Variants in HOOK2 observed in about 807,000 individuals in gnomAD.
HOOK2 encodes protein Hook homolog 2.
HOOK2 carries 108 observed loss-of-function variants against 111.9 expected under a neutral mutation model. The ratio of observed to expected loss-of-function variants is 0.96; its 90% confidence interval spans 0.83 to 1.13. The LOEUF (loss-of-function observed/expected upper bound fraction) is 1.13, where lower values mean the gene tolerates loss of function less well. HOOK2 is among the 50% of genes most tolerant of loss of function. The pLI is 0.00. For synonymous variants in HOOK2, 405 were observed against 394.3 expected, an observed-to-expected ratio of 1.03 and a Z score of -0.32; for missense variants, 978 against 951.3, an observed-to-expected ratio of 1.03 and a Z score of -0.37.
At position 12,769,924 on chromosome 19, in the gene HOOK2, C is replaced by T. The variant is rs760292492; in HGVS notation, c.1061G>A (p.Arg354Gln). 7.8e-6 allele frequency: 12 copies of T among 1,543,314 alleles called. No individual in the cohort carries two copies. Among genetic ancestry groups the T allele is most frequent in the African/African-American group, 4.2e-5 (3 of 71,694 alleles). The change falls in exon 11 of 23, where the codon CGA (arginine) becomes CAA (glutamine). Residue 354 changes from arginine (R) to glutamine (Q), a missense_variant. Physicochemically the swap from Arg to Gln is conservative, Grantham distance 43. Transcript: ENST00000397668. ...CAGCTGGGCGCGCAGGGAGCCCGCT[C>T]GGCGTAGCTCATCCTCCAGTTGTCG... is the stretch of plus-strand genomic sequence containing the variant. Reference protein sequence around the residue: ...RTRQLEDELRRAGSLRAQLEA... With the variant: ...RTRQLEDELRQAGSLRAQLEA...
rs746278489 is a variant in HOOK2 at position 12,772,621 on chromosome 19, T to C, written c.448A>G (p.Ile150Val). The C allele has an allele frequency of 6.8e-6, 11 of 1,613,992 alleles. No homozygotes were observed. The highest frequency in any genetic ancestry group is 9.3e-6 in the Non-Finnish European group (11 of 1,179,984). The change falls in exon 6 of 23, where the codon ATC becomes GTC. Residue 150 changes from isoleucine to valine, a missense_variant. By Grantham distance (29) the Ile-to-Val change is conservative (BLOSUM62 3). Coordinates refer to ENST00000397668, the MANE Select transcript of HOOK2 (RefSeq NM_013312.3). ...ESVQHVVMEA[I>V]QELMTKDTPD... Reference sequence around the variant, plus strand: ...TGAGTGCCCCCACCCACCTCTTGGATGGCTTCCATCACCACATGCTGAACC... The same window carrying C: ...TGAGTGCCCCCACCCACCTCTTGGACGGCTTCCATCACCACATGCTGAACC...
intron 3 of HOOK2, among the ~76,000 whole-genome samples, chr19:12,785,805 T>C (rs1261893642): frequency 6.6e-6 from 1 of 152,202 alleles, no homozygotes; most frequent in Non-Finnish European, 1.5e-5. Flanking sequence ...AGTCTGTCTC[T>C]GCCCCACAGA....
Position 12,771,410 on chromosome 19 carries a change from T to A in HOOK2, c.587A>T (p.Asp196Val). 3 of 1,613,586 alleles carry A rather than the reference T, an allele frequency of 1.9e-6. No individual in the cohort carries two copies. Among genetic ancestry groups the A allele is most frequent in the Non-Finnish European group, 2.5e-6 (3 of 1,179,812 alleles). ...EGDELQQRCLDLERQLMLLSE... is the reference protein window; with the variant it reads ...EGDELQQRCLVLERQLMLLSE... ...CTAGGGCCCTACCTGCCGCTCCAGATCCAGACAGCGCTGCTGTAATTCGTC... is the reference window on the plus strand; with the variant it reads ...CTAGGGCCCTACCTGCCGCTCCAGAACCAGACAGCGCTGCTGTAATTCGTC... The change falls in exon 8 of 23, where the codon GAT (aspartate) becomes GTT (valine). Residue 196 changes from aspartate (D) to valine (V), a missense_variant. Asp to Val is a radical substitution (Grantham distance 152, BLOSUM62 -3). Around this residue, in one of 5 missense-constraint regions of HOOK2, gnomAD observed 301 missense variants for 286.1 expected, o/e 1.05. Coordinates refer to ENST00000397668, the MANE Select transcript of HOOK2 (RefSeq NM_013312.3).
intron 7 of HOOK2, 99 bp from the exon 8 acceptor site, chr19:12,771,576 C>A: frequency 2.0e-6 from 2 of 1,022,998 alleles, no homozygotes; most frequent in Non-Finnish European, 3.0e-6. Context: ...GGCCAAGAAA[C>A]CCTCAGGATT....
chr19:12,766,041 C>T (rs917301148), intron 15 of HOOK2, 27 bp from the exon 16 acceptor site: 2 of 1,610,370 alleles, frequency 1.2e-6, no homozygotes, highest in Non-Finnish European at 1.7e-6. Flanking sequence ...CCGCTTAGTG[C>T]CTGTGCCCAC....
chr19:12,775,695 C>T, upstream of HOOK2: 1 of 374,872 alleles, frequency 2.7e-6, no homozygotes, highest in Non-Finnish European at 4.7e-6. Flanking sequence ...GTTCGGGCGC[C>T]CGCCCTGCCG....
rs1450783652 is a variant in HOOK2, at chr19:12,772,635, A to G, written c.434T>C (p.Val145Ala). Residue 145 changes from valine to alanine, a missense_variant, in exon 6 of 23, where the codon GTG becomes GCG. Physicochemically the swap from Val to Ala is moderately conservative, Grantham distance 64. This residue lies in a region of HOOK2 where 301 missense variants were observed against 286.1 expected (regional missense o/e 1.05). Coordinates refer to ENST00000397668, the MANE Select transcript of HOOK2 (RefSeq NM_013312.3). ...CACCTCTTGGATGGCTTCCATCACC[A>G]CATGCTGAACCGATTCTTCCAGCGT... ...IMTLEESVQH[V>A]VMEAIQELMT... 3.1e-6 allele frequency: 5 copies of G among 1,614,028 alleles called. No individual in the cohort carries two copies. The highest frequency in any genetic ancestry group is 1.7e-5 in the Admixed American group (1 of 59,996).
intron 3 of HOOK2, chr19:12,787,281 T>A (rs953011609): frequency 6.6e-6 from 1 of 152,220 alleles, no homozygotes; most frequent in African/African-American, 2.4e-5. Context: ...AGCTAATTTT[T>A]AAATTTTTTT....
intron 14 of HOOK2, 24 bp downstream of exon 14, chr19:12,767,371 G>C: frequency 6.2e-7 from 1 of 1,605,388 alleles, no homozygotes; most frequent in Non-Finnish European, 8.5e-7. Context: ...GGTGGGGCCA[G>C]AGTTTTGAGT....
chr19:12,768,259 G>GT, intron 11 of HOOK2, 136 bp from the exon 12 acceptor site: 1 of 684,582 alleles, frequency 1.5e-6, no homozygotes. Context: ...AGCTGTGTAT[G>GT]TTTTTGCTTG....
chr19:12,774,747 G>A lies in HOOK2; in HGVS notation c.132-6C>T, dbSNP rs1315350671. The A allele has an allele frequency of 6.2e-7, 1 of 1,613,940 alleles. No homozygotes were observed. Among genetic ancestry groups the A allele is most frequent in the Non-Finnish European group, 8.5e-7 (1 of 1,179,820 alleles). On this transcript the variant is annotated splice_region_variant and splice_polypyrimidine_tract_variant and intron_variant, in intron 2 of 22. Transcript: ENST00000397668. ...CGTTGAACCAGGAGGGGTCTCTGGG[G>A]GCGAGAAGGTGGGATGAGCAGACTG...
chr19:12,764,234 C>T (rs149290578), intron 20 of HOOK2: 4,897 of 164,502 alleles, frequency 0.03, 229 homozygotes, highest in African/African-American at 0.11. Context: ...AGGCTGCTCT[C>T]GAACTCCTGA....
intron 1 of HOOK2, 55 bp from the exon 2 acceptor site, chr19:12,774,952 G>A (rs1268090096): frequency 1.3e-6 from 2 of 1,517,478 alleles, no homozygotes; most frequent in Non-Finnish European, 1.8e-6. Flanking sequence ...GCGCCGAACC[G>A]CTCCCCTTTT....
rs1288451659 is a variant in HOOK2 at position 12,765,810 on chromosome 19, C to T, written c.1605+19G>A. 3 of 1,613,532 alleles carry T rather than the reference C, an allele frequency of 1.9e-6. No homozygotes were observed. Among genetic ancestry groups the T allele is most frequent in the Admixed American group, 1.7e-5 (1 of 59,996 alleles). On this transcript the variant is annotated intron_variant, in intron 17 of 22. Coordinates refer to ENST00000397668, the MANE Select transcript of HOOK2 (RefSeq NM_013312.3). ...CAGGGTGAGGGTAGGGGGTGCCATC[C>T]TGGGCCCATGGTACTTACAATGGCC...
upstream of HOOK2, among the ~76,000 whole-genome samples, chr19:12,777,056 T>C (rs1377652764): frequency 1.5e-4 from 21 of 141,896 alleles, no homozygotes; most frequent in African/African-American, 4.8e-4. Context: ...ACTCGGGAGG[T>C]TGAGGCAGGA....
intron 10 of HOOK2, 79 bp from the exon 11 acceptor site, chr19:12,770,161 A>G: frequency 7.9e-7 from 1 of 1,273,014 alleles, no homozygotes; most frequent in South Asian, 1.6e-5. Flanking sequence ...CCCTTGGAGC[A>G]CAGGGTGTTG....
At chr19:12,783,141 T>G (rs1254661799), upstream of HOOK2, among the ~76,000 whole-genome samples, 1 of 151,872 alleles carries the variant, frequency 6.6e-6, no homozygotes, top group Non-Finnish European at 1.5e-5. Context: ...CTCCCGGCTT[T>G]CCCCGCGTGT....
In HOOK2 at chr19:12,791,520, CAGCAGGG is replaced by C. The variant is rs1968714030; in HGVS notation, n.42-17302_42-17296del. The C allele has an allele frequency of 6.7e-6, 3 of 449,728 alleles. No individual in the cohort carries two copies. Among genetic ancestry groups the C allele is most frequent in the South Asian group, 3.6e-5 (1 of 27,566 alleles). 27.9% of individuals were successfully genotyped at this position (449,728 alleles called of 1,614,324 possible). A position where few individuals can be genotyped will look rare whatever the true frequency, so the allele number is the denominator to read the frequency against. ...AGAGCGGCCAGGCCAGCCTCGGAGC[CAGCAGGG>C]AGCTGGGAGCTGGGGGAAACGACGC... On this transcript the variant is annotated intron_variant and non_coding_transcript_variant, in intron 3 of 3. Coordinates refer to the HOOK2 transcript ENST00000589765. The surrounding 1 kb of genome is among the most constrained non-coding windows in gnomAD (Gnocchi z 7.0).
Position 12,769,878 on chromosome 19 carries a change from C to G in HOOK2, c.1104+3G>C, listed in dbSNP as rs1314731842. The G allele has an allele frequency of 6.9e-7, 1 of 1,442,944 alleles. No homozygotes were observed. Among genetic ancestry groups the G allele is most frequent in the African/African-American group, 1.5e-5 (1 of 67,032 alleles). The allele number at this position is 1,442,944 out of a possible 1,614,324, so 89.4% of individuals were successfully genotyped here. On this transcript the variant is annotated splice_donor_region_variant and intron_variant, in intron 11 of 22. Transcript: ENST00000397668. ...CCCGGCCCTAACCCCGCCCCCGCCGCACCTGCCGCCGCTGCGCCTCCAGCT... is the reference window on the plus strand; with the variant it reads ...CCCGGCCCTAACCCCGCCCCCGCCGGACCTGCCGCCGCTGCGCCTCCAGCT...
Sources: gnomAD v4.1 joint callset for allele counts (sites outside exome capture counted in the v4.1 genomes callset) on GRCh38, gnomAD v4.1.1 for gene constraint, gnomAD v4.1.1 regional missense constraint, Gnocchi (gnomAD v3.1) non-coding constraint, MANE v1.5 for transcripts, NCBI Gene and HGNC (gene_info 2026-07-23, HGNC 2026-07-21) for gene names.